The following TRIM39 variants were observed in gnomAD, a reference collection of about 807,000 sequenced individuals.
TRIM39 encodes E3 ubiquitin-protein ligase TRIM39.
TRIM39 carries 5 observed loss-of-function variants against 53.6 expected under a neutral mutation model. The ratio of observed to expected loss-of-function variants is 0.09; its 90% CI spans 0.05 to 0.20. The LOEUF is 0.20. Ranked by LOEUF, TRIM39 falls within the 10% of genes least tolerant of loss-of-function variation. The pLI, the probability that TRIM39 is intolerant of heterozygous loss-of-function variation, is 1.00. For missense variants in TRIM39, 310 were observed against 621.0 expected, an observed-to-expected ratio of 0.50 and a Z score of 5.32; for synonymous variants, 196 against 237.6, an observed-to-expected ratio of 0.82 and a Z score of 1.61.
In TRIM39 at chr6:30,339,084, T is replaced by G. The variant is rs1210483972; in HGVS notation, c.781-824T>G. On this transcript the variant is annotated intron_variant, in intron 5 of 7. Transcript: ENST00000396551. This position sits in a 1 kb window ranked among gnomAD's most constrained non-coding sequence, Gnocchi z 4.2. ...AATCCTTGTGGGACAGAGATTTGTC[T>G]TCTTTGTCTTCTGGACCCCAAGTAT... Among the ~76,000 whole-genome samples the G allele has an allele frequency of 6.6e-6, 1 of 152,206 alleles. No individual in the cohort carries two copies. The highest frequency in any genetic ancestry group is 2.4e-5 in the African/African-American group (1 of 41,468).
At chr6:30,340,505 A>T (rs764307013) in exon 7 of TRIM39, 1 of 1,613,040 alleles carries the variant, frequency 6.2e-7, no homozygotes, top group Non-Finnish European at 8.5e-7. Flanking sequence ...TCCCTCCTAG[A>T]TGTGAAAAGG....
At chr6:30,331,292 A>C (rs999647894) in intron 4 of TRIM39, among the ~76,000 whole-genome samples, 46 of 47,486 alleles carry the variant, frequency 9.7e-4, no homozygotes, top group African/African-American at 3.1e-3. Flanking sequence ...AAACAAACAA[A>C]AAAAAAAAGA....
In TRIM39 at chr6:30,338,739, GA is replaced by G. The variant is rs1197827875; in HGVS notation, c.781-1164del. 5.9e-5 allele frequency among the ~76,000 whole-genome samples: 9 copies of G among 151,874 alleles called. No individual in the cohort carries two copies. The highest frequency in any genetic ancestry group is 1.9e-4 in the African/African-American group (8 of 41,310). On this transcript the variant is annotated intron_variant, in intron 5 of 7. Transcript: ENST00000396551. The surrounding 1 kb of genome is among the most constrained non-coding windows in gnomAD (Gnocchi z 4.0). ...ACAGGTTGCCACAAACCATCTATCT[GA>G]AAAACATACAATGTCAACAAAACAC...
chr6:30,336,268 C>G, intron 5 of TRIM39: 1 of 651,366 alleles, frequency 1.5e-6, no homozygotes, highest in Non-Finnish European at 2.8e-6. Flanking sequence ...AAAAACTATG[C>G]ATTAAAAATT....
intron 1 of TRIM39, among the ~76,000 whole-genome samples, chr6:30,327,966 C>G (rs1429419272): frequency 6.6e-6 from 1 of 152,188 alleles, no homozygotes; most frequent in Non-Finnish European, 1.5e-5. Context: ...TTCCTTCCTT[C>G]CAGTAGGTCC....
At position 30,329,909 on chromosome 6, in the gene TRIM39, T is replaced by C. The variant is rs894737717; in HGVS notation, c.453+139T>C. ...GCTGCATATGCAGGGGCACACAGTATGTGTGATCAGTTGTCCTCTAGCCTG... is the reference window on the plus strand; with the variant it reads ...GCTGCATATGCAGGGGCACACAGTACGTGTGATCAGTTGTCCTCTAGCCTG... On this transcript the variant is annotated intron_variant, in intron 3 of 7. Transcript: ENST00000396551. 6.2e-6 allele frequency: 8 copies of C among 1,284,918 alleles called. No individual in the cohort carries two copies. In the African/African-American group the frequency reaches 9.0e-5, roughly 14 times the overall value. The allele number at this position is 1,284,918 out of a possible 1,614,324, so 79.6% of individuals were successfully genotyped here.
intron 5 of TRIM39, 125 bp downstream of exon 5, chr6:30,336,100 A>T (rs1198885557): frequency 1.4e-6 from 2 of 1,413,400 alleles, no homozygotes; most frequent in Admixed American, 3.9e-5. Flanking sequence ...TCTTTCTGCC[A>T]GGTGTACTCA....
chr6:30,329,264 C>A, intron 2 of TRIM39, 47 bp from the exon 3 acceptor site: 2 of 1,527,182 alleles, frequency 1.3e-6, no homozygotes, highest in Non-Finnish European at 1.8e-6. Context: ...AAGAAAAAAC[C>A]TCCAATTAAT....
intron 4 of TRIM39, among the ~76,000 whole-genome samples, chr6:30,331,289 CAA>C (rs906295144): frequency 4.5e-5 from 6 of 133,246 alleles, no homozygotes; most frequent in African/African-American, 1.4e-4. Context: ...AAAAAACAAA[CAA>C]AAAAAAAAAG....
intron 6 of TRIM39, 128 bp downstream of exon 6, chr6:30,340,058 A>G: frequency 7.0e-7 from 1 of 1,436,320 alleles, no homozygotes; most frequent in Non-Finnish European, 9.7e-7. Context: ...GTATGGGAGA[A>G]TGTTCATTGT....
intron 6 of TRIM39, 32 bp from the exon 7 acceptor site, chr6:30,340,473 C>T (rs1265958758): frequency 6.2e-7 from 1 of 1,612,474 alleles, no homozygotes. Context: ...CTAACCCTGC[C>T]CTTTCTTCCC....
intron 7 of TRIM39, chr6:30,341,509 T>A (rs534970440): frequency 1.2e-6 from 1 of 820,552 alleles, no homozygotes; most frequent in Non-Finnish European, 2.1e-6. Context: ...ATTATCTGTT[T>A]ACTTTAGGGT....
At chr6:30,340,378 GGA>G in intron 6 of TRIM39, 125 bp from the exon 7 acceptor site, 2 of 1,611,870 alleles carry the variant, frequency 1.2e-6, no homozygotes, top group South Asian at 2.2e-5. Flanking sequence ...TTTTCAGGGA[GGA>G]GGAAGAAAGT....
chr6:30,329,773 G>A lies in TRIM39; in HGVS notation c.453+3G>A, dbSNP rs745935822. ...ACGATGCTACACAGGAGTACAAGGTGGGGAAGCAGACACACGATGTCAGTG... is the reference window on the plus strand; with the variant it reads ...ACGATGCTACACAGGAGTACAAGGTAGGGAAGCAGACACACGATGTCAGTG... On this transcript the variant is annotated splice_donor_region_variant and intron_variant, in intron 3 of 7. Coordinates refer to ENST00000396551, the Ensembl canonical transcript of TRIM39. 4 of 1,608,958 alleles carry A rather than the reference G, an allele frequency of 2.5e-6. 1 individual carries two copies. In the South Asian group the frequency reaches 4.4e-5, roughly 18 times the overall value.
rs1001482966 is a variant in TRIM39 at position 30,335,335 on chromosome 6, T to A, written c.550-410T>A. On this transcript the variant is annotated intron_variant, in intron 4 of 7. Transcript: ENST00000396551. The surrounding 1 kb of genome is among the most constrained non-coding windows in gnomAD (Gnocchi z 4.7). ...TCTTTCTGTCTTTCTTTCCTGTCTGTCTGTCTTTCATCTCGATCTGTTGCC... is the reference window on the plus strand; with the variant it reads ...TCTTTCTGTCTTTCTTTCCTGTCTGACTGTCTTTCATCTCGATCTGTTGCC... 6.6e-6 allele frequency among the ~76,000 whole-genome samples: 1 copy of A among 152,170 alleles called. No individual in the cohort carries two copies. The highest frequency in any genetic ancestry group is 2.4e-5 in the African/African-American group (1 of 41,426).
At chr6:30,329,169 G>C in intron 2 of TRIM39, 128 bp downstream of exon 2, 4 of 951,260 alleles carry the variant, frequency 4.2e-6, no homozygotes, top group Non-Finnish European at 6.2e-6. Context: ...TGGAAGAGAA[G>C]ATGGAGAATA....
In TRIM39 at chr6:30,335,900, C is replaced by T; in HGVS notation, c.705C>T (p.Asp235=). Residue 235 remains aspartate (D), a synonymous_variant, in exon 5 of 8, where the codon GAC becomes GAT. Transcript: ENST00000396551. This position sits in a 1 kb window ranked among gnomAD's most constrained non-coding sequence, Gnocchi z 4.7. ...GAGAAAATGCTGCTCACCTTGGGGA[C>T]AAGCGCCGGGACCTGGCCCACTTGG... The T allele has an allele frequency of 1.2e-6, 2 of 1,612,880 alleles. No homozygotes were observed. Among genetic ancestry groups the T allele is most frequent in the Non-Finnish European group, 1.7e-6 (2 of 1,180,010 alleles).
chr6:30,329,266 C>G, intron 2 of TRIM39, 45 bp from the exon 3 acceptor site: 2 of 1,533,636 alleles, frequency 1.3e-6, no homozygotes, highest in East Asian at 2.3e-5. Context: ...GAAAAAACCT[C>G]CAATTAATAT....
intron 5 of TRIM39, 177 bp downstream of exon 5, chr6:30,336,152 C>G (rs1388595904): frequency 1.1e-6 from 1 of 930,570 alleles, no homozygotes; most frequent in African/African-American, 1.6e-5. Flanking sequence ...CCATCCCCTT[C>G]TAACCATTTT....
Sources: allele counts gnomAD v4.1 joint callset (sites outside exome capture counted in the v4.1 genomes callset), GRCh38; gene constraint gnomAD v4.1.1; non-coding constraint Gnocchi (gnomAD v3.1); transcripts MANE v1.5; gene names NCBI Gene and HGNC (gene_info 2026-07-23, HGNC 2026-07-21).